TRAIP: variants seen among roughly 807,000 people sequenced by gnomAD.
The protein encoded by TRAIP is TRAF interacting protein, also known as E3 ubiquitin-protein ligase TRAIP.
TRAIP carries 37 observed loss-of-function variants against 65.0 expected under a neutral mutation model. The ratio of observed to expected loss-of-function variants is 0.57; its 90% CI spans 0.44 to 0.75. The LOEUF is 0.75. Among genes scored for constraint, TRAIP ranks in the 30% least tolerant of loss-of-function variants. TRAIP has a pLI of 0.00. For synonymous variants in TRAIP, 187 were observed against 219.1 expected (o/e 0.85, Z 1.29); for missense variants, 481 against 579.4 (o/e 0.83, Z 1.74).
intron 11 of TRAIP, 61 bp downstream of exon 11, chr3:49,831,855 G>A: frequency 6.9e-7 from 1 of 1,454,734 alleles, no homozygotes; most frequent in Admixed American, 2.4e-5. Flanking sequence ...CACAGGGCCT[G>A]CAGAGCTGTC....
chr3:49,843,938 G>C lies in TRAIP; in HGVS notation c.281-10C>G. ...TCTCGTTTCTCCTTGTCTGGAGCAG[G>C]GGTAGAGGGCGGAGGAAAGGGAAAG... On this transcript the variant is annotated splice_polypyrimidine_tract_variant and intron_variant, in intron 4 of 14. Coordinates refer to ENST00000331456, the MANE Select transcript of TRAIP (RefSeq NM_005879.3). The C allele has an allele frequency of 6.2e-7, 1 of 1,602,762 alleles. No individual in the cohort carries two copies. The highest frequency in any genetic ancestry group is 1.1e-5 in the South Asian group (1 of 90,738).
chr3:49,832,441 GATCGCGCC>G (rs1479512186), intron 10 of TRAIP, among the ~76,000 whole-genome samples: 1 of 147,780 alleles, frequency 6.8e-6, no homozygotes, highest in East Asian at 2.0e-4. Flanking sequence ...GGTGAGCCGA[GATCGCGCC>G]ACTGCACTCC....
chr3:49,839,932 G>T, intron 9 of TRAIP, 72 bp from the exon 10 acceptor site: 1 of 1,472,204 alleles, frequency 6.8e-7, no homozygotes, highest in Non-Finnish European at 9.5e-7. Flanking sequence ...CAGAGGACAT[G>T]AGCAGCATGC....
At chr3:49,850,611 GAGGTTTCTAGA>G (rs936330963) in intron 1 of TRAIP, among the ~76,000 whole-genome samples, 1 of 151,560 alleles carries the variant, frequency 6.6e-6, no homozygotes, top group African/African-American at 2.4e-5. Flanking sequence ...AGCATATAAG[GAGGTTTCTAGA>G]AGGTTTCTAG....
chr3:49,841,446 T>C (rs2081838611), intron 7 of TRAIP, among the ~76,000 whole-genome samples: 1 of 152,014 alleles, frequency 6.6e-6, no homozygotes, highest in Non-Finnish European at 1.5e-5. Flanking sequence ...AGAATATGAG[T>C]AGAGTTTGAT....
intron 1 of TRAIP, among the ~76,000 whole-genome samples, chr3:49,850,152 G>GGAA: frequency 6.6e-6 from 1 of 151,856 alleles, no homozygotes; most frequent in African/African-American, 2.4e-5. Context: ...ATAACACTGA[G>GGAA]GAAGAGAAGC....
chr3:49,845,811 G>C (rs1404854273), intron 3 of TRAIP, among the ~76,000 whole-genome samples: 1 of 152,198 alleles, frequency 6.6e-6, no homozygotes, highest in East Asian at 1.9e-4. Flanking sequence ...TCACAGGGAA[G>C]ACACTACTTA....
chr3:49,847,707 G>A (rs2081897311), intron 2 of TRAIP, 99 bp from the exon 3 acceptor site: 2 of 772,784 alleles, frequency 2.6e-6, no homozygotes, highest in Admixed American at 2.5e-5. Flanking sequence ...TGACATGCAT[G>A]TCAGGCCTGT....
chr3:49,849,640 T>C (rs1391176357), intron 1 of TRAIP, among the ~76,000 whole-genome samples: 1 of 150,920 alleles, frequency 6.6e-6, no homozygotes, highest in African/African-American at 2.4e-5. Context: ...AAAAAGTAAG[T>C]AGTGGTAAAA....
chr3:49,840,146 C>A, intron 9 of TRAIP, 138 bp downstream of exon 9: 1 of 814,786 alleles, frequency 1.2e-6, no homozygotes, highest in Non-Finnish European at 2.0e-6. Flanking sequence ...CCAAGGGGCA[C>A]ACCCTGACCC....
intron 1 of TRAIP, 67 bp from the exon 2 acceptor site, chr3:49,848,267 C>T: frequency 6.4e-7 from 1 of 1,554,776 alleles, no homozygotes; most frequent in Non-Finnish European, 8.8e-7. Flanking sequence ...GCCAGGCAAA[C>T]ATTCTGACCA....
intron 10 of TRAIP, among the ~76,000 whole-genome samples, chr3:49,834,961 G>A (rs2081767984): frequency 6.6e-6 from 1 of 152,242 alleles, no homozygotes; most frequent in African/African-American, 2.4e-5. Flanking sequence ...CAACAATTTG[G>A]GAGGCTGAGG....
At chr3:49,847,673 T>C in intron 2 of TRAIP, 65 bp from the exon 3 acceptor site, 1 of 1,145,870 alleles carries the variant, frequency 8.7e-7, no homozygotes, top group Non-Finnish European at 1.3e-6. Context: ...AGGAGAGTGT[T>C]GTACATGGGT....
chr3:49,850,703 G>A (rs1306392046), intron 1 of TRAIP, among the ~76,000 whole-genome samples: 1 of 136,436 alleles, frequency 7.3e-6, no homozygotes, highest in East Asian at 2.2e-4. Context: ...CAGCCAGGCT[G>A]GAGTTCAGTG....
intron 14 of TRAIP, 45 bp downstream of exon 14, chr3:49,829,413 G>A: frequency 6.2e-7 from 1 of 1,613,822 alleles, no homozygotes; most frequent in Non-Finnish European, 8.5e-7. Context: ...GGCATAGTAT[G>A]GGCTCCACAG....
rs142384910 is a variant in TRAIP at position 49,843,662 on chromosome 3, G to A, written c.408+139C>T. 6.3e-4 allele frequency: 729 copies of A among 1,153,804 alleles called. 2 individuals carry two copies. The African/African-American group carries it at 9.6e-3, about 15-fold the overall frequency. 71.5% of individuals were successfully genotyped at this position (1,153,804 alleles called of 1,614,324 possible). Reference sequence around the variant, plus strand: ...CAGTATGGAAGGGCAAGGGGAAGAAGTGATTTGCCTCTATTTTACAACTCC... The same window carrying A: ...CAGTATGGAAGGGCAAGGGGAAGAAATGATTTGCCTCTATTTTACAACTCC... On this transcript the variant is annotated intron_variant, in intron 5 of 14. Transcript: ENST00000331456.
intron 10 of TRAIP, among the ~76,000 whole-genome samples, chr3:49,834,196 G>C (rs1038246406): frequency 6.6e-6 from 1 of 152,188 alleles, no homozygotes; most frequent in African/African-American, 2.4e-5. Flanking sequence ...TGGAGTTCAG[G>C]GGCCCTTGGG....
At chr3:49,839,571 C>T (rs1193365149) in intron 10 of TRAIP, 2 of 594,372 alleles carry the variant, frequency 3.4e-6, no homozygotes, top group Non-Finnish European at 6.0e-6. Context: ...GTCCTCTGGC[C>T]TTCTCTGGCC....
chr3:49,856,500 G>A lies in TRAIP; in HGVS notation c.-47C>T, dbSNP rs1396016114. ...CAGGCAGCCAAAGAAACTGCTACAG[G>A]TCCGGCTTCGTAGACGCGCCCCCGC... On this transcript the variant is annotated 5_prime_UTR_variant, in exon 1 of 15. Transcript: ENST00000331456. 1 of 1,550,290 alleles carries A rather than the reference G, an allele frequency of 6.5e-7. No individual in the cohort carries two copies. The highest frequency in any genetic ancestry group is 8.8e-7 in the Non-Finnish European group (1 of 1,134,412).
Sources: allele counts gnomAD v4.1 joint callset (sites outside exome capture counted in the v4.1 genomes callset), GRCh38; gene constraint gnomAD v4.1.1; transcripts MANE v1.5; gene names NCBI Gene and HGNC (gene_info 2026-07-23, HGNC 2026-07-21).